Variants in ITGA9 observed in about 807,000 individuals in gnomAD.
The protein encoded by ITGA9 is integrin alpha-9.
Under a neutral mutation model 127.8 loss-of-function variants are expected in ITGA9, and 56 were observed. The observed-to-expected ratio is 0.44, with a 90% CI of 0.35 to 0.55. The LOEUF is 0.55. Among genes scored for constraint, ITGA9 ranks in the 20% least tolerant of loss-of-function variants. ITGA9 has a pLI of 0.00. For synonymous variants in ITGA9, 508 were observed against 514.5 expected (o/e 0.99, Z 0.17); for missense variants, 1,196 against 1,347.1 (o/e 0.89, Z 1.76).
In ITGA9 at chr3:37,694,306, C is replaced by T. The variant is rs535240260; in HGVS notation, c.2067+10291C>T. Among the ~76,000 whole-genome samples the T allele has an allele frequency of 1.6e-4, 25 of 152,284 alleles. No individual in the cohort carries two copies. In the South Asian group the frequency reaches 4.2e-3, roughly 25 times the overall value. ...TCCTTGAGAGGACAAGAGAAGGTGG[C>T]GGGGAGCAGGCACCCCCAGCCTGTG... is the stretch of plus-strand genomic sequence containing the variant. On this transcript the variant is annotated intron_variant, in intron 18 of 27. Transcript: ENST00000264741.
At chr3:37,627,211 G>A (rs1165176975) in intron 15 of ITGA9, among the ~76,000 whole-genome samples, 3 of 152,330 alleles carry the variant, frequency 2.0e-5, no homozygotes, top group South Asian at 2.1e-4. Flanking sequence ...CCAGCCGAAT[G>A]TTTTCCTGAA....
chr3:37,582,079 C>T (rs1699715064), intron 15 of ITGA9, among the ~76,000 whole-genome samples: 1 of 152,196 alleles, frequency 6.6e-6, no homozygotes, highest in African/African-American at 2.4e-5. Context: ...GCAGCCTCCC[C>T]TCCAAGGAGA....
intron 23 of ITGA9, among the ~76,000 whole-genome samples, chr3:37,772,499 G>C (rs979703107): frequency 2.6e-5 from 4 of 152,096 alleles, no homozygotes; most frequent in African/African-American, 9.7e-5. Flanking sequence ...AGCACCGAGA[G>C]CCTGGCGTGC....
chr3:37,787,044 G>A (rs1697050312), intron 26 of ITGA9, among the ~76,000 whole-genome samples: 1 of 152,128 alleles, frequency 6.6e-6, no homozygotes, highest in Non-Finnish European at 1.5e-5. Flanking sequence ...ATTTGGAGTT[G>A]GTGTTTCCCT....
chr3:37,628,684 G>A (rs1034221447), intron 15 of ITGA9, among the ~76,000 whole-genome samples: 3 of 152,106 alleles, frequency 2.0e-5, no homozygotes, highest in Non-Finnish European at 4.4e-5. Flanking sequence ...AGAACACAGG[G>A]CCAGGAGTCA....
rs1575214097 is a variant in ITGA9 at position 37,736,845 on chromosome 3, G to A, written c.2155-59G>A. The A allele has an allele frequency of 4.6e-6, 5 of 1,081,320 alleles. No individual in the cohort carries two copies. The East Asian group carries it at 9.4e-5, about 20-fold the overall frequency. 67.0% of individuals were successfully genotyped at this position (1,081,320 alleles called of 1,614,324 possible). On this transcript the variant is annotated intron_variant, in intron 19 of 27. Transcript: ENST00000264741. Reference sequence around the variant, plus strand: ...AGGTCATAAACTGCAGAAGATGGAAGAGAACAGTTTAAGTTTGGAATGCCT... The same window carrying A: ...AGGTCATAAACTGCAGAAGATGGAAAAGAACAGTTTAAGTTTGGAATGCCT...
intron 24 of ITGA9, 111 bp from the exon 25 acceptor site, chr3:37,779,791 G>T: frequency 9.9e-7 from 1 of 1,008,662 alleles, no homozygotes; most frequent in East Asian, 2.4e-5. Flanking sequence ...GATTTCCTCT[G>T]CCTGGAATTG....
At chr3:37,627,111 G>A (rs528769968) in intron 15 of ITGA9, among the ~76,000 whole-genome samples, 80 of 152,248 alleles carry the variant, frequency 5.3e-4, no homozygotes, top group African/African-American at 1.9e-3. Context: ...TTCAAGAGGC[G>A]TTTTCTGGAA....
intron 15 of ITGA9, among the ~76,000 whole-genome samples, chr3:37,595,121 T>C (rs1235704703): frequency 6.6e-6 from 1 of 152,108 alleles, no homozygotes; most frequent in East Asian, 1.9e-4. Flanking sequence ...TTTTTTGACT[T>C]TGAGACAGGA....
rs910135594 is a variant in ITGA9 at position 37,733,103 on chromosome 3, A to G, written c.2154+305A>G. The G allele has an allele frequency of 1.5e-5, 6 of 390,084 alleles. No individual in the cohort carries two copies. In the Admixed American group the frequency reaches 2.2e-4, roughly 14 times the overall value. The allele number at this position is 390,084 out of a possible 1,614,324, so 24.2% of individuals were successfully genotyped here. ...CCATTTAGTTGACCTTCCTAAAATAATTTTTTTTCTGAGACATTCTGTGCC... is the reference window on the plus strand; with the variant it reads ...CCATTTAGTTGACCTTCCTAAAATAGTTTTTTTTCTGAGACATTCTGTGCC... On this transcript the variant is annotated intron_variant, in intron 19 of 27. Coordinates refer to ENST00000264741, the MANE Select transcript of ITGA9 (RefSeq NM_002207.3).
chr3:37,454,482 C>T (rs911230657), intron 1 of ITGA9, among the ~76,000 whole-genome samples: 1 of 152,178 alleles, frequency 6.6e-6, no homozygotes, highest in Non-Finnish European at 1.5e-5. Context: ...AGCAGTAATG[C>T]TGTGCATATT....
chr3:37,482,429 G>A (rs1004918457), intron 4 of ITGA9, among the ~76,000 whole-genome samples: 1 of 152,150 alleles, frequency 6.6e-6, no homozygotes. Flanking sequence ...CAGAAAACAC[G>A]GTTATTTTCT....
intron 25 of ITGA9, among the ~76,000 whole-genome samples, chr3:37,784,766 C>T (rs1174545210): frequency 6.6e-6 from 1 of 152,154 alleles, no homozygotes; most frequent in Non-Finnish European, 1.5e-5. Context: ...CCATCATTTC[C>T]CACCATCCAC....
At chr3:37,637,824 C>T (rs921503217) in intron 16 of ITGA9, among the ~76,000 whole-genome samples, 5 of 152,116 alleles carry the variant, frequency 3.3e-5, no homozygotes, top group African/African-American at 1.2e-4. Context: ...AGGTGCACGC[C>T]ACTATGCCTG....
intron 11 of ITGA9, 136 bp from the exon 12 acceptor site, chr3:37,523,385 A>G: frequency 2.8e-6 from 2 of 721,772 alleles, no homozygotes; most frequent in South Asian, 3.1e-5. Context: ...TGCTGATCAC[A>G]TTAGGATTAC....
intron 16 of ITGA9, among the ~76,000 whole-genome samples, chr3:37,649,774 C>G (rs1218551971): frequency 6.6e-6 from 1 of 152,188 alleles, no homozygotes; most frequent in Admixed American, 6.5e-5. Context: ...TCATTTTTCT[C>G]AAGTAGCCAT....
chr3:37,628,460 G>C (rs565243536), intron 15 of ITGA9, among the ~76,000 whole-genome samples: 1 of 152,298 alleles, frequency 6.6e-6, no homozygotes, highest in East Asian at 1.9e-4. Context: ...CTGGGGAACT[G>C]AGCCTTTCAT....
intron 16 of ITGA9, among the ~76,000 whole-genome samples, chr3:37,647,460 T>C (rs1700388532): frequency 6.6e-6 from 1 of 151,832 alleles, no homozygotes. Context: ...ATAGTTTTTT[T>C]TTTTTTTTGA....
chr3:37,722,785 T>C (rs1038785287), intron 18 of ITGA9, among the ~76,000 whole-genome samples: 2 of 152,278 alleles, frequency 1.3e-5, no homozygotes, highest in Non-Finnish European at 2.9e-5. Flanking sequence ...AATATTTGTG[T>C]ACACATTTTT....
Sources: gnomAD v4.1 joint callset for allele counts (sites outside exome capture counted in the v4.1 genomes callset) on GRCh38, gnomAD v4.1.1 for gene constraint, MANE v1.5 for transcripts, NCBI Gene and HGNC (gene_info 2026-07-23, HGNC 2026-07-21) for gene names.